The following TRAPPC9 variants were observed in gnomAD, a reference collection of about 807,000 sequenced individuals.
TRAPPC9 encodes IKK2 binding protein.
Under a neutral mutation model 124.0 loss-of-function variants are expected in TRAPPC9, and 83 were observed. The ratio of observed to expected loss-of-function variants is 0.67; its 90% confidence interval spans 0.56 to 0.80. The LOEUF is 0.80. Ranked by LOEUF, TRAPPC9 falls within the 30% of genes least tolerant of loss-of-function variation. TRAPPC9 has a pLI of 0.00. For synonymous variants in TRAPPC9, 638 were observed against 617.5 expected, an observed-to-expected ratio of 1.03 and a Z score of -0.49; for missense variants, 1,302 against 1,508.3, an observed-to-expected ratio of 0.86 and a Z score of 2.27.
chr8:140,280,627 T>C (rs1371316331), intron 14 of TRAPPC9, among the ~76,000 whole-genome samples: 1 of 151,838 alleles, frequency 6.6e-6, no homozygotes, highest in Non-Finnish European at 1.5e-5. Flanking sequence ...AGAGACAGGG[T>C]TTCACCATGT....
rs895255407 is a variant in TRAPPC9 at position 139,912,808 on chromosome 8, C to T, written c.2811-2508G>A. ...TTTCTTCTCTTGTGAGTAACCTACCCGTGCAGCAAGAGCTTCTAATTTTCC... is the reference window on the plus strand; with the variant it reads ...TTTCTTCTCTTGTGAGTAACCTACCTGTGCAGCAAGAGCTTCTAATTTTCC... On this transcript the variant is annotated intron_variant, in intron 19 of 22. Transcript: ENST00000438773. 5.9e-5 allele frequency among the ~76,000 whole-genome samples: 9 copies of T among 152,208 alleles called. No homozygotes were observed. The East Asian group carries it at 9.6e-4, about 16-fold the overall frequency.
chr8:140,207,792 AC>A (rs1280196684), intron 17 of TRAPPC9, among the ~76,000 whole-genome samples: 11 of 152,314 alleles, frequency 7.2e-5, no homozygotes, highest in African/African-American at 2.6e-4. Context: ...CATTTGCTAG[AC>A]AGGTGTTTCT....
At chr8:139,899,818 C>T (rs1347938434) in intron 20 of TRAPPC9, among the ~76,000 whole-genome samples, 1 of 152,170 alleles carries the variant, frequency 6.6e-6, no homozygotes, top group Non-Finnish European at 1.5e-5. Flanking sequence ...TCCAACTCGA[C>T]ACCCTTTAAA....
At chr8:139,823,563 CCT>C (rs1234382395) in intron 21 of TRAPPC9, among the ~76,000 whole-genome samples, 3 of 152,204 alleles carry the variant, frequency 2.0e-5, no homozygotes, top group Admixed American at 1.3e-4. Flanking sequence ...AGCAGATGCC[CCT>C]GTTTATCCCT....
chr8:140,053,225 T>C (rs890383868), intron 17 of TRAPPC9, among the ~76,000 whole-genome samples: 23 of 152,216 alleles, frequency 1.5e-4, no homozygotes, highest in Non-Finnish European at 2.6e-4. Flanking sequence ...CAGACATTCA[T>C]TAAACACAGA....
chr8:139,748,586 G>C (rs1004997359), intron 21 of TRAPPC9, among the ~76,000 whole-genome samples: 1 of 151,920 alleles, frequency 6.6e-6, no homozygotes, highest in Non-Finnish European at 1.5e-5. Context: ...CTGGCATGGG[G>C]GGCATGCAGG....
At chr8:140,418,482 A>C (rs2070025463) in intron 5 of TRAPPC9, among the ~76,000 whole-genome samples, 1 of 152,202 alleles carries the variant, frequency 6.6e-6, no homozygotes, top group African/African-American at 2.4e-5. Context: ...GCACTTTGGG[A>C]GGCCAAGGCA....
intron 7 of TRAPPC9, 112 bp downstream of exon 7, chr8:140,397,508 T>C: frequency 8.0e-7 from 1 of 1,257,022 alleles, no homozygotes. Flanking sequence ...GATTCAACAG[T>C]TTTTATCATG....
At chr8:140,130,935 A>C (rs968291800) in intron 17 of TRAPPC9, among the ~76,000 whole-genome samples, 1 of 152,228 alleles carries the variant, frequency 6.6e-6, no homozygotes, top group Non-Finnish European at 1.5e-5. Context: ...AATTAAAATA[A>C]TCTATTATTC....
chr8:140,154,658 C>T (rs911367651), intron 17 of TRAPPC9, among the ~76,000 whole-genome samples: 13 of 152,314 alleles, frequency 8.5e-5, no homozygotes, highest in African/African-American at 2.6e-4. Context: ...CTTCATCTCC[C>T]CAGAAAAACC....
intron 12 of TRAPPC9, among the ~76,000 whole-genome samples, chr8:140,290,210 G>A (rs1007599061): frequency 2.6e-5 from 4 of 152,150 alleles, no homozygotes; most frequent in East Asian, 1.9e-4. Context: ...AGCACTCAGC[G>A]AGATACATGC....
intron 21 of TRAPPC9, among the ~76,000 whole-genome samples, chr8:139,809,525 C>T (rs886547212): frequency 6.6e-6 from 1 of 152,210 alleles, no homozygotes; most frequent in Non-Finnish European, 1.5e-5. Context: ...CCTGGGCAAT[C>T]GCCTCCGACT....
At chr8:140,361,477 G>A (rs1286428321) in intron 8 of TRAPPC9, among the ~76,000 whole-genome samples, 1 of 152,364 alleles carries the variant, frequency 6.6e-6, no homozygotes, top group South Asian at 2.1e-4. Flanking sequence ...AGTAGTCGGA[G>A]TACAAGTTAA....
chr8:140,017,569 G>C (rs73355364), intron 18 of TRAPPC9, among the ~76,000 whole-genome samples: 1,794 of 152,192 alleles, frequency 0.012, 32 homozygotes, highest in African/African-American at 0.041. Context: ...ATCTATTATG[G>C]TCCATTGATC....
chr8:140,201,928 C>T (rs939079617), intron 17 of TRAPPC9, among the ~76,000 whole-genome samples: 3 of 152,064 alleles, frequency 2.0e-5, no homozygotes, highest in Non-Finnish European at 4.4e-5. Flanking sequence ...TCAGCTCTGA[C>T]ATACCATCAG....
intron 10 of TRAPPC9, among the ~76,000 whole-genome samples, chr8:140,309,997 G>C (rs539619283): frequency 1.3e-5 from 2 of 152,166 alleles, no homozygotes; most frequent in East Asian, 3.8e-4. Flanking sequence ...GCCAGGGGCT[G>C]CAATGCACAG....
At chr8:139,914,309 G>A (rs1168062488) in intron 19 of TRAPPC9, among the ~76,000 whole-genome samples, 3 of 152,250 alleles carry the variant, frequency 2.0e-5, no homozygotes, top group East Asian at 1.9e-4. Context: ...GAGACGACCC[G>A]CAGGCAGGGA....
chr8:140,156,389 C>T (rs767377985), intron 17 of TRAPPC9, among the ~76,000 whole-genome samples: 2 of 152,198 alleles, frequency 1.3e-5, no homozygotes, highest in Non-Finnish European at 2.9e-5. Context: ...TGCTCCCACA[C>T]GGGGATCCTG....
intron 12 of TRAPPC9, among the ~76,000 whole-genome samples, chr8:140,288,458 T>C (rs1223545752): frequency 6.6e-6 from 1 of 152,192 alleles, no homozygotes; most frequent in African/African-American, 2.4e-5. Flanking sequence ...AGCTTGCTAG[T>C]GAACAAAACA....
Sources: gnomAD v4.1 joint callset for allele counts (sites outside exome capture counted in the v4.1 genomes callset) on GRCh38, gnomAD v4.1.1 for gene constraint, MANE v1.5 for transcripts, NCBI Gene and HGNC (gene_info 2026-07-23, HGNC 2026-07-21) for gene names.